Variants in CNTNAP5 observed in about 807,000 individuals in gnomAD.
CNTNAP5 encodes contactin-associated protein-like 5.
Under a neutral mutation model 150.2 loss-of-function variants are expected in CNTNAP5, and 72 were observed. The ratio of observed to expected loss-of-function variants is 0.48; its 90% CI spans 0.40 to 0.58. CNTNAP5 has a LOEUF of 0.58. Among genes scored for constraint, CNTNAP5 ranks in the 20% least tolerant of loss-of-function variants. The probability of loss-of-function intolerance (pLI) is 0.00; values close to 1 mark genes in which losing one functional copy is unlikely to be tolerated. For missense variants in CNTNAP5, 1,636 were observed against 1,626.2 expected, an observed-to-expected ratio of 1.01 and a Z score of -0.10; for synonymous variants, 672 against 619.8, an observed-to-expected ratio of 1.08 and a Z score of -1.25.
chr2:124,216,315 T>C (rs577625238), intron 1 of CNTNAP5, among the ~76,000 whole-genome samples: 33 of 152,158 alleles, frequency 2.2e-4, no homozygotes, highest in South Asian at 1.2e-3. Context: ...AAAATATATA[T>C]GAAAAAGGAT....
intron 1 of CNTNAP5, among the ~76,000 whole-genome samples, chr2:124,083,898 A>C (rs1214644062): frequency 6.6e-6 from 1 of 151,966 alleles, no homozygotes; most frequent in Non-Finnish European, 1.5e-5. Flanking sequence ...AGTTTTTGTA[A>C]GTGAAATAAT....
chr2:124,589,816 T>C (rs894956329), intron 11 of CNTNAP5, among the ~76,000 whole-genome samples: 1 of 152,208 alleles, frequency 6.6e-6, no homozygotes, highest in Non-Finnish European at 1.5e-5. Flanking sequence ...GCACAATCAC[T>C]GCCATAATCA....
Position 124,687,520 on chromosome 2 carries a change from G to A in CNTNAP5, c.2077+39562G>A, listed in dbSNP as rs188822469. On this transcript the variant is annotated intron_variant, in intron 13 of 23. Coordinates refer to ENST00000682447, the MANE Select transcript of CNTNAP5 (RefSeq NM_001367498.1). ...TGGTTCATGGGTTTCCTTTTCACAC[G>A]GAATTACATTTTTCTTAACTTCCTC... Among the ~76,000 whole-genome samples the A allele has an allele frequency of 1.0e-3, 154 of 151,968 alleles. 1 individual carries two copies. Among genetic ancestry groups the A allele is most frequent in the African/African-American group, 3.1e-3 (127 of 41,450 alleles).
intron 1 of CNTNAP5, among the ~76,000 whole-genome samples, chr2:124,181,602 G>T (rs1313012106): frequency 2.0e-5 from 3 of 152,118 alleles, no homozygotes; most frequent in Non-Finnish European, 4.4e-5. Flanking sequence ...CATGAAAATT[G>T]TTCTGCACTA....
intron 3 of CNTNAP5, among the ~76,000 whole-genome samples, chr2:124,401,156 G>A (rs1255151831): frequency 7.9e-5 from 12 of 152,110 alleles, no homozygotes; most frequent in Non-Finnish European, 1.6e-4. Flanking sequence ...GTGAGCCATC[G>A]TGCCCAGCCA....
intron 8 of CNTNAP5, among the ~76,000 whole-genome samples, chr2:124,520,365 A>G (rs765787447): frequency 9.2e-5 from 14 of 152,232 alleles, no homozygotes; most frequent in Non-Finnish European, 8.8e-5. Flanking sequence ...TATTTTAGAA[A>G]TAATTCTTCA....
At chr2:124,182,404 G>A (rs1054979146) in intron 1 of CNTNAP5, among the ~76,000 whole-genome samples, 1 of 152,060 alleles carries the variant, frequency 6.6e-6, no homozygotes, top group Non-Finnish European at 1.5e-5. Flanking sequence ...GGGATTGATT[G>A]TCCCAATTTT....
intron 10 of CNTNAP5, among the ~76,000 whole-genome samples, 197 bp downstream of exon 10, chr2:124,527,653 A>C (rs1451090685): frequency 6.6e-6 from 1 of 152,212 alleles, no homozygotes; most frequent in Non-Finnish European, 1.5e-5. Context: ...GTCTCTCTTC[A>C]TGTTGACTTG....
chr2:124,600,080 A>G (rs575808024), intron 11 of CNTNAP5, among the ~76,000 whole-genome samples: 12 of 152,328 alleles, frequency 7.9e-5, no homozygotes, highest in African/African-American at 2.9e-4. Context: ...ATGTAGGCCG[A>G]ATAATTTAGT....
intron 21 of CNTNAP5, among the ~76,000 whole-genome samples, chr2:124,874,129 G>T (rs1331123224): frequency 6.6e-6 from 1 of 152,046 alleles, no homozygotes; most frequent in Non-Finnish European, 1.5e-5. Context: ...TTCACTGTTG[G>T]TTCTCTAAGA....
At chr2:124,342,938 T>G (rs985495384) in intron 3 of CNTNAP5, among the ~76,000 whole-genome samples, 12 of 152,212 alleles carry the variant, frequency 7.9e-5, no homozygotes, top group African/African-American at 2.9e-4. Context: ...TTCTTTTTCA[T>G]TTGAGTCTTG....
chr2:124,520,752 C>T lies in CNTNAP5; in HGVS notation c.1328-3551C>T, dbSNP rs185171491. ...TTTCCCCCATCAAGACATTCTCGGC[C>T]TAAAAGGTGTTGCTTTCCTGTTCTC... On this transcript the variant is annotated intron_variant, in intron 8 of 23. Coordinates refer to ENST00000682447, the MANE Select transcript of CNTNAP5 (RefSeq NM_001367498.1). Among the ~76,000 whole-genome samples the T allele has an allele frequency of 1.4e-4, 22 of 152,244 alleles. No individual in the cohort carries two copies. In the East Asian group the frequency reaches 4.1e-3, roughly 28 times the overall value.
At chr2:124,067,436 A>G (rs1682188870) in intron 1 of CNTNAP5, among the ~76,000 whole-genome samples, 1 of 152,148 alleles carries the variant, frequency 6.6e-6, no homozygotes, top group African/African-American at 2.4e-5. Flanking sequence ...CTCTATGGCT[A>G]CATTGCCACC....
chr2:124,850,519 C>T (rs1683133180), intron 19 of CNTNAP5, among the ~76,000 whole-genome samples: 1 of 152,166 alleles, frequency 6.6e-6, no homozygotes, highest in African/African-American at 2.4e-5. Flanking sequence ...TCCCCTTGAA[C>T]CATTAGAGGA....
intron 1 of CNTNAP5, among the ~76,000 whole-genome samples, chr2:124,035,284 C>T (rs1432360367): frequency 6.6e-6 from 1 of 151,910 alleles, no homozygotes; most frequent in Non-Finnish European, 1.5e-5. Flanking sequence ...AAGTCTTTTC[C>T]CCCTGCTCCT....
chr2:124,814,926 A>G (rs573181395), intron 19 of CNTNAP5, among the ~76,000 whole-genome samples: 8 of 152,212 alleles, frequency 5.3e-5, no homozygotes, highest in Non-Finnish European at 7.3e-5. Context: ...TCAAGTCATC[A>G]GCTCCGTAAT....
chr2:124,643,243 A>G (rs1678131649), intron 12 of CNTNAP5, among the ~76,000 whole-genome samples: 2 of 152,196 alleles, frequency 1.3e-5, no homozygotes, highest in Non-Finnish European at 2.9e-5. Flanking sequence ...GGGTTAGTCA[A>G]TACATGTATG....
intron 7 of CNTNAP5, among the ~76,000 whole-genome samples, chr2:124,489,793 C>G (rs1388940823): frequency 2.0e-5 from 3 of 152,066 alleles, no homozygotes; most frequent in Non-Finnish European, 4.4e-5. Context: ...ATCTGCATGC[C>G]AGGCTGCAGA....
At chr2:124,451,979 T>C (rs922426052) in intron 6 of CNTNAP5, among the ~76,000 whole-genome samples, 2 of 152,050 alleles carry the variant, frequency 1.3e-5, no homozygotes, top group Admixed American at 6.6e-5. Flanking sequence ...GAAAAGGCCA[T>C]AGGGAGAAGG....
Sources: gnomAD v4.1 joint callset for allele counts (sites outside exome capture counted in the v4.1 genomes callset) on GRCh38, gnomAD v4.1.1 for gene constraint, MANE v1.5 for transcripts, NCBI Gene and HGNC (gene_info 2026-07-23, HGNC 2026-07-21) for gene names.